FGF14: variants seen among roughly 807,000 people sequenced by gnomAD.
FGF14 encodes fibroblast growth factor 14.
In FGF14, 5 loss-of-function variants were observed where a neutral mutation model predicts 25.5. The observed-to-expected ratio is 0.20, with a 90% CI of 0.10 to 0.41. The LOEUF is 0.41. FGF14 is among the 10% of genes least tolerant of loss of function. The probability of loss-of-function intolerance (pLI) is 1.00; values close to 1 mark genes in which losing one functional copy is unlikely to be tolerated. For synonymous variants in FGF14, 138 were observed against 118.3 expected (o/e 1.17, Z -1.08); for missense variants, 222 against 320.1 (o/e 0.69, Z 2.34).
chr13:101,783,211 C>T (rs186623491), intron 3 of FGF14, among the ~76,000 whole-genome samples: 241 of 152,120 alleles, frequency 1.6e-3, no homozygotes, highest in Non-Finnish European at 2.8e-3. Flanking sequence ...GTGGCTCAAG[C>T]CTGTAATCCT....
chr13:102,206,869 A>G (rs925095019), intron 1 of FGF14, among the ~76,000 whole-genome samples: 2 of 152,162 alleles, frequency 1.3e-5, no homozygotes, highest in Admixed American at 1.3e-4. Context: ...TTAGGGCATC[A>G]TTTTATCAGG....
rs140774900 is a variant in FGF14, at chr13:101,823,435, T to C, written c.408+45290A>G. ...ATATATTCATATATACACATATATC[T>C]TTATATATTTGTTTGTTTTGAGATG... On this transcript the variant is annotated intron_variant, in intron 3 of 4. Coordinates refer to ENST00000376143, the MANE Select transcript of FGF14 (RefSeq NM_004115.4). 1.9e-3 allele frequency among the ~76,000 whole-genome samples: 282 copies of C among 149,786 alleles called. 8 individuals carry two copies. The East Asian group carries it at 0.05, about 26-fold the overall frequency.
At chr13:101,832,019 T>G (rs2042693981) in intron 3 of FGF14, among the ~76,000 whole-genome samples, 1 of 152,112 alleles carries the variant, frequency 6.6e-6, no homozygotes, top group South Asian at 2.1e-4. Flanking sequence ...AAAAAAGTTT[T>G]GCAGATACAA....
At chr13:102,401,652 C>G (rs1227675192) in exon 1 of FGF14, 7 of 1,614,064 alleles carry the variant, frequency 4.3e-6, no homozygotes, top group Non-Finnish European at 5.9e-6. Context: ...AATCAGTTCT[C>G]CTGAAGAGGG....
chr13:101,754,381 T>C (rs896776399), intron 3 of FGF14, among the ~76,000 whole-genome samples: 4 of 152,334 alleles, frequency 2.6e-5, no homozygotes, highest in African/African-American at 9.6e-5. Context: ...GCTCTATCTT[T>C]GTCAGTGTTT....
chr13:101,926,023 C>A (rs1374993313), intron 1 of FGF14, among the ~76,000 whole-genome samples: 1 of 152,176 alleles, frequency 6.6e-6, no homozygotes, highest in Admixed American at 6.5e-5. Flanking sequence ...TCTTCAAGAT[C>A]CTAGTGATTT....
chr13:102,070,918 G>T (rs1239972239), intron 1 of FGF14, among the ~76,000 whole-genome samples: 1 of 151,608 alleles, frequency 6.6e-6, no homozygotes, highest in Admixed American at 6.6e-5. Context: ...GTTCTCTAAG[G>T]ACTGCAATCT....
intron 1 of FGF14, among the ~76,000 whole-genome samples, chr13:101,893,352 T>C (rs1002772152): frequency 1.3e-5 from 2 of 152,186 alleles, no homozygotes; most frequent in South Asian, 2.1e-4. Context: ...AGTGCTGCTA[T>C]GGCATTAACC....
intron 1 of FGF14, among the ~76,000 whole-genome samples, chr13:101,926,043 C>T (rs929492605): frequency 2.0e-5 from 3 of 152,174 alleles, no homozygotes; most frequent in Admixed American, 6.5e-5. Context: ...TCACTGGGCC[C>T]ACCCAATAAT....
At chr13:102,353,305 GTCAT>G (rs375778253) in intron 1 of FGF14, among the ~76,000 whole-genome samples, 253 of 152,226 alleles carry the variant, frequency 1.7e-3, no homozygotes, top group African/African-American at 5.8e-3. Flanking sequence ...CACTGTTGGT[GTCAT>G]TCAAAGTTCT....
intron 1 of FGF14, among the ~76,000 whole-genome samples, chr13:102,069,168 T>C (rs2043044688): frequency 6.6e-6 from 1 of 151,954 alleles, no homozygotes; most frequent in Non-Finnish European, 1.5e-5. Context: ...CACCCTGTGT[T>C]TAGCTCAAGG....
intron 1 of FGF14, among the ~76,000 whole-genome samples, chr13:102,357,693 TG>T (rs1452047227): frequency 6.6e-6 from 1 of 152,196 alleles, no homozygotes; most frequent in African/African-American, 2.4e-5. Flanking sequence ...ATAGATGAAG[TG>T]TTTAGAACGG....
chr13:102,354,409 CAA>C (rs991577023), intron 1 of FGF14, among the ~76,000 whole-genome samples: 3 of 152,192 alleles, frequency 2.0e-5, no homozygotes, highest in African/African-American at 7.2e-5. Context: ...AAAGGCTGAT[CAA>C]AGACTCAAAA....
intron 1 of FGF14, among the ~76,000 whole-genome samples, chr13:101,948,344 GA>G (rs2035941001): frequency 6.6e-6 from 1 of 151,962 alleles, no homozygotes; most frequent in African/African-American, 2.4e-5. Context: ...AGGAACCACT[GA>G]AAAGACAGAA....
At chr13:101,872,884 A>G (rs2045184051) in intron 2 of FGF14, among the ~76,000 whole-genome samples, 2 of 152,110 alleles carry the variant, frequency 1.3e-5, no homozygotes, top group African/African-American at 4.8e-5. Flanking sequence ...GAGTGTGGGC[A>G]TTATGATTTT....
chr13:102,028,218 T>C (rs1262846167), intron 1 of FGF14, among the ~76,000 whole-genome samples: 10 of 152,110 alleles, frequency 6.6e-5, no homozygotes, highest in Admixed American at 5.9e-4. Context: ...CAAATTTATA[T>C]TGAAACCTAG....
chr13:102,254,810 C>T (rs761648626), intron 1 of FGF14, among the ~76,000 whole-genome samples: 1 of 152,132 alleles, frequency 6.6e-6, no homozygotes, highest in Non-Finnish European at 1.5e-5. Context: ...AAAATGGCTC[C>T]CAGTTGGGAA....
chr13:102,110,016 G>A (rs1234098635), intron 1 of FGF14, among the ~76,000 whole-genome samples: 4 of 152,226 alleles, frequency 2.6e-5, no homozygotes, highest in South Asian at 2.1e-4. Flanking sequence ...AAGATAAATC[G>A]ATTCAATGGA....
chr13:102,060,521 G>C (rs2042636838), intron 1 of FGF14, among the ~76,000 whole-genome samples: 1 of 152,174 alleles, frequency 6.6e-6, no homozygotes, highest in Non-Finnish European at 1.5e-5. Flanking sequence ...GCGAGACTCT[G>C]TCTCAAAAAA....
Sources: gnomAD v4.1 joint callset for allele counts (sites outside exome capture counted in the v4.1 genomes callset) on GRCh38, gnomAD v4.1.1 for gene constraint, MANE v1.5 for transcripts, NCBI Gene and HGNC (gene_info 2026-07-23, HGNC 2026-07-21) for gene names.